RBMS1: variants seen among roughly 807,000 people sequenced by gnomAD.
RBMS1 encodes the protein RNA binding motif single stranded interacting protein 1.
RBMS1 carries 17 observed loss-of-function variants against 62.3 expected under a neutral mutation model. The ratio of observed to expected loss-of-function variants is 0.27; its 90% CI spans 0.19 to 0.41. The LOEUF (loss-of-function observed/expected upper bound fraction) is 0.41. RBMS1 is among the 10% of genes least tolerant of loss of function. RBMS1 has a pLI of 1.00. For missense variants in RBMS1, 334 were observed against 504.5 expected, an observed-to-expected ratio of 0.66 and a Z score of 3.24; for synonymous variants, 172 against 170.0, an observed-to-expected ratio of 1.01 and a Z score of -0.09.
At chr2:160,316,714 G>A (rs189754249) in intron 3 of RBMS1, among the ~76,000 whole-genome samples, 2 of 152,212 alleles carry the variant, frequency 1.3e-5, no homozygotes, top group African/African-American at 2.4e-5. Flanking sequence ...TTAAATTAGG[G>A]CAGCTCTGCT....
intron 2 of RBMS1, among the ~76,000 whole-genome samples, chr2:160,337,812 A>G (rs1028395213): frequency 4.6e-5 from 7 of 152,180 alleles, no homozygotes; most frequent in African/African-American, 1.4e-4. Context: ...CAGGGAAGCC[A>G]CTAGCTCTTA....
chr2:160,311,232 C>CTATCTATCTATCTATCTATATA (rs1381483574), intron 4 of RBMS1, among the ~76,000 whole-genome samples: 1 of 79,252 alleles, frequency 1.3e-5, no homozygotes, highest in Non-Finnish European at 2.5e-5. Flanking sequence ...ATCTATCTAT[C>CTATCTATCTATCTATCTATATA]TATATATATA....
At chr2:160,444,534 A>C (rs1172058649) in intron 1 of RBMS1, among the ~76,000 whole-genome samples, 2 of 152,260 alleles carry the variant, frequency 1.3e-5, no homozygotes. Flanking sequence ...CTCAGTTTAC[A>C]GAAAACCGAG....
intron 1 of RBMS1, among the ~76,000 whole-genome samples, chr2:160,404,823 G>A (rs1695613508): frequency 6.6e-6 from 1 of 152,164 alleles, no homozygotes; most frequent in Admixed American, 6.5e-5. Context: ...TCCCCAAAAA[G>A]GTGGGAGGAA....
At chr2:160,406,248 A>C (rs1282213550) in intron 1 of RBMS1, among the ~76,000 whole-genome samples, 1 of 152,230 alleles carries the variant, frequency 6.6e-6, no homozygotes, top group East Asian at 1.9e-4. Context: ...AAGGCAGAAA[A>C]CATTTCTTTT....
chr2:160,302,430 A>G (rs1345546818), intron 5 of RBMS1: 1 of 152,166 alleles, frequency 6.6e-6, no homozygotes, highest in Non-Finnish European at 1.5e-5. Context: ...CTTGGGCTCA[A>G]GCAATCCTTC....
At chr2:160,375,602 T>G (rs1228293794) in intron 1 of RBMS1, among the ~76,000 whole-genome samples, 1 of 152,160 alleles carries the variant, frequency 6.6e-6, no homozygotes, top group East Asian at 1.9e-4. Context: ...TCACATTCTA[T>G]TCAATCTCTT....
At chr2:160,279,610 C>G (rs1250785142) in intron 10 of RBMS1, 1 of 152,156 alleles carries the variant, frequency 6.6e-6, no homozygotes. Context: ...AACCAAAATT[C>G]AATGAACTCT....
chr2:160,282,261 A>G (rs1161331908), intron 9 of RBMS1: 2 of 1,367,910 alleles, frequency 1.5e-6, no homozygotes, highest in South Asian at 1.1e-5. Flanking sequence ...ATTTACCTTG[A>G]TAGCAGAGCC....
chr2:160,438,216 A>G (rs962566955), intron 1 of RBMS1, among the ~76,000 whole-genome samples: 6 of 151,818 alleles, frequency 4.0e-5, no homozygotes, highest in Non-Finnish European at 8.8e-5. Flanking sequence ...TAAAAAGTCC[A>G]TTGTTTATGC....
chr2:160,368,480 G>A (rs1693533939), intron 1 of RBMS1, among the ~76,000 whole-genome samples: 1 of 152,082 alleles, frequency 6.6e-6, no homozygotes, highest in Non-Finnish European at 1.5e-5. Context: ...ATCCCACAGT[G>A]GAAAGTTGGA....
At chr2:160,334,823 T>C (rs1213464286) in intron 2 of RBMS1, among the ~76,000 whole-genome samples, 3 of 152,060 alleles carry the variant, frequency 2.0e-5, no homozygotes, top group Non-Finnish European at 1.5e-5. Context: ...TTTAAATGTA[T>C]ACTAATATGA....
intron 2 of RBMS1, among the ~76,000 whole-genome samples, chr2:160,355,914 T>C (rs1692769760): frequency 6.6e-6 from 1 of 152,096 alleles, no homozygotes; most frequent in Non-Finnish European, 1.5e-5. Context: ...ATCACTGGCA[T>C]AATGTCTAAT....
intron 13 of RBMS1, 146 bp downstream of exon 13, chr2:160,275,484 T>G (rs1687785818): frequency 3.0e-6 from 4 of 1,331,750 alleles, no homozygotes; most frequent in Admixed American, 5.1e-5. Flanking sequence ...CTGATTTTAA[T>G]ATTTCAACAA....
At chr2:160,341,074 A>T (rs776416844) in intron 2 of RBMS1, among the ~76,000 whole-genome samples, 2 of 152,124 alleles carry the variant, frequency 1.3e-5, no homozygotes, top group Non-Finnish European at 2.9e-5. Context: ...TTTAGAGCTT[A>T]AAAAAATATA....
At chr2:160,391,694 AGG>A (rs892849224) in intron 1 of RBMS1, among the ~76,000 whole-genome samples, 2 of 152,224 alleles carry the variant, frequency 1.3e-5, no homozygotes, top group African/African-American at 4.8e-5. Context: ...TAACCAATGT[AGG>A]GCTGGGCACA....
intron 2 of RBMS1, among the ~76,000 whole-genome samples, chr2:160,354,890 GC>G (rs1275329833): frequency 6.6e-6 from 1 of 152,120 alleles, no homozygotes; most frequent in Non-Finnish European, 1.5e-5. Context: ...TGCCCTGGCA[GC>G]ACCATAAACT....
intron 4 of RBMS1, among the ~76,000 whole-genome samples, chr2:160,305,011 C>T (rs561454997): frequency 5.9e-5 from 9 of 152,172 alleles, no homozygotes; most frequent in African/African-American, 1.7e-4. Context: ...TGTACTACCA[C>T]GCCCAGCTAA....
At chr2:160,283,621 G>A (rs1364272189) in intron 9 of RBMS1, 2 of 152,090 alleles carry the variant, frequency 1.3e-5, no homozygotes, top group African/African-American at 4.8e-5. Flanking sequence ...ATGTTTTTAG[G>A]CAGAATTAGT....
Sources: gnomAD v4.1 joint callset for allele counts (sites outside exome capture counted in the v4.1 genomes callset) on GRCh38, gnomAD v4.1.1 for gene constraint, MANE v1.5 for transcripts, NCBI Gene and HGNC (gene_info 2026-07-23, HGNC 2026-07-21) for gene names.